Variants in DLG2 observed in about 807,000 individuals in gnomAD.
The protein encoded by DLG2 is discs large MAGUK scaffold protein 2.
Under a neutral mutation model 132.5 loss-of-function variants are expected in DLG2, and 45 were observed. That is an observed-to-expected ratio of 0.34 (90% CI 0.27 to 0.44). DLG2 has a LOEUF of 0.44. Ranked by LOEUF, DLG2 falls within the 20% of genes least tolerant of loss-of-function variation. The pLI, the probability that DLG2 is intolerant of heterozygous loss-of-function variation, is 1.00. For missense variants in DLG2, 1,045 were observed against 1,196.9 expected, an observed-to-expected ratio of 0.87 and a Z score of 1.87; for synonymous variants, 424 against 419.6, an observed-to-expected ratio of 1.01 and a Z score of -0.13.
At chr11:85,115,823 G>A (rs2073489499) in intron 5 of DLG2, among the ~76,000 whole-genome samples, 2 of 151,904 alleles carry the variant, frequency 1.3e-5, no homozygotes, top group South Asian at 4.1e-4. Flanking sequence ...CAGAATCCCA[G>A]GACTGAGGAG....
At chr11:84,434,801 C>T (rs912078914) in intron 7 of DLG2, among the ~76,000 whole-genome samples, 9 of 150,498 alleles carry the variant, frequency 6.0e-5, no homozygotes, top group African/African-American at 2.2e-4. Context: ...TTATTAAGAG[C>T]TTTTCAATTA....
At chr11:83,675,116 C>T (rs539585286) in intron 18 of DLG2, among the ~76,000 whole-genome samples, 6 of 152,182 alleles carry the variant, frequency 3.9e-5, no homozygotes, top group East Asian at 3.9e-4. Flanking sequence ...GAAATTTTAG[C>T]GGAAAACTAT....
intron 3 of DLG2, among the ~76,000 whole-genome samples, chr11:85,446,019 T>C (rs2153036626): frequency 6.6e-6 from 1 of 152,330 alleles, no homozygotes; most frequent in Non-Finnish European, 1.5e-5. Flanking sequence ...AAACCCATTG[T>C]TTACAACTTG....
intron 6 of DLG2, among the ~76,000 whole-genome samples, chr11:85,057,248 A>T (rs998244178): frequency 6.6e-6 from 1 of 151,734 alleles, no homozygotes; most frequent in Non-Finnish European, 1.5e-5. Flanking sequence ...ATATAAATGT[A>T]AAATTGGAAT....
intron 15 of DLG2, among the ~76,000 whole-genome samples, chr11:83,885,800 T>C (rs1293299161): frequency 5.3e-5 from 8 of 152,202 alleles, no homozygotes; most frequent in Non-Finnish European, 8.8e-5. Flanking sequence ...TATTCAACTT[T>C]CTTAAAGAAA....
At chr11:85,505,798 T>C (rs776662579) in intron 3 of DLG2, among the ~76,000 whole-genome samples, 12 of 152,126 alleles carry the variant, frequency 7.9e-5, no homozygotes, top group African/African-American at 1.4e-4. Flanking sequence ...GGAATGGTAC[T>C]AGCTCCTCCT....
At chr11:83,926,664 A>T (rs2079033658) in intron 15 of DLG2, among the ~76,000 whole-genome samples, 1 of 152,150 alleles carries the variant, frequency 6.6e-6, no homozygotes, top group African/African-American at 2.4e-5. Context: ...GTGTAATAAG[A>T]CGTAGACTGT....
chr11:83,461,093 C>A (rs1371831092), intron 27 of DLG2, among the ~76,000 whole-genome samples: 3 of 150,194 alleles, frequency 2.0e-5, no homozygotes, highest in African/African-American at 4.9e-5. Context: ...ACTGCGACCT[C>A]CACCTCCTGG....
chr11:83,853,137 A>T (rs1565351565), intron 16 of DLG2, among the ~76,000 whole-genome samples: 1 of 152,316 alleles, frequency 6.6e-6, no homozygotes, highest in South Asian at 2.1e-4. Flanking sequence ...TTCCAATCAC[A>T]TAAAATCCCC....
intron 18 of DLG2, among the ~76,000 whole-genome samples, chr11:83,651,015 C>T (rs2070136579): frequency 6.6e-6 from 1 of 152,086 alleles, no homozygotes; most frequent in African/African-American, 2.4e-5. Context: ...ATCTTACTTA[C>T]TCTATACCTC....
chr11:84,082,703 A>G (rs1289957244), intron 10 of DLG2, among the ~76,000 whole-genome samples: 1 of 152,186 alleles, frequency 6.6e-6, no homozygotes, highest in African/African-American at 2.4e-5. Context: ...TAGTGAGAAG[A>G]ATATGGATTT....
intron 14 of DLG2, among the ~76,000 whole-genome samples, chr11:83,939,494 A>G (rs1380688661): frequency 2.0e-5 from 3 of 152,224 alleles, no homozygotes; most frequent in East Asian, 1.9e-4. Context: ...AGTGTGAGGA[A>G]CATTACAAAG....
Position 85,478,120 on chromosome 11 carries a change from G to A in DLG2, c.40+120537C>T, listed in dbSNP as rs140390023. ...ACTCCTGGGCTCAAGCAATCCTAAT[G>A]CCTCAGCTTCCCAAGGAACTAAGAC... On this transcript the variant is annotated intron_variant, in intron 3 of 27. Transcript: ENST00000376104. Among the ~76,000 whole-genome samples the A allele has an allele frequency of 4.8e-3, 734 of 151,998 alleles. 2 individuals are homozygous for A. Among genetic ancestry groups the A allele is most frequent in the Non-Finnish European group, 8.3e-3 (564 of 67,984 alleles).
intron 3 of DLG2, among the ~76,000 whole-genome samples, chr11:85,557,142 G>T (rs2076984343): frequency 6.6e-6 from 1 of 151,604 alleles, no homozygotes; most frequent in Non-Finnish European, 1.5e-5. Flanking sequence ...TTTCCATGAT[G>T]AGAACAGTAA....
At chr11:84,969,994 A>G (rs1471842721) in intron 6 of DLG2, among the ~76,000 whole-genome samples, 2 of 152,076 alleles carry the variant, frequency 1.3e-5, no homozygotes, top group Non-Finnish European at 2.9e-5. Flanking sequence ...AGAGAAGGGA[A>G]CATCACATAA....
At chr11:84,880,827 CAAT>C (rs1386145708) in intron 6 of DLG2, among the ~76,000 whole-genome samples, 1 of 152,032 alleles carries the variant, frequency 6.6e-6, no homozygotes, top group Non-Finnish European at 1.5e-5. Context: ...TAAGCTCTTT[CAAT>C]AATTTACTAT....
chr11:84,092,985 G>A (rs1255136506), intron 10 of DLG2, among the ~76,000 whole-genome samples: 2 of 149,678 alleles, frequency 1.3e-5, no homozygotes, highest in African/African-American at 2.5e-5. Flanking sequence ...GCAGTGAGCC[G>A]AGATTGCGCC....
chr11:85,344,242 T>C (rs1042892399), intron 3 of DLG2, among the ~76,000 whole-genome samples: 2 of 152,082 alleles, frequency 1.3e-5, no homozygotes, highest in Non-Finnish European at 2.9e-5. Flanking sequence ...GAAAGGAAGG[T>C]CTTCTTATGG....
intron 4 of DLG2, among the ~76,000 whole-genome samples, chr11:85,280,342 A>G (rs1262074074): frequency 2.0e-5 from 3 of 152,158 alleles, no homozygotes; most frequent in Non-Finnish European, 2.9e-5. Context: ...AGACACTATT[A>G]TTACTTTGAC....
Sources: allele counts gnomAD v4.1 joint callset (sites outside exome capture counted in the v4.1 genomes callset), GRCh38; gene constraint gnomAD v4.1.1; transcripts MANE v1.5; gene names NCBI Gene and HGNC (gene_info 2026-07-23, HGNC 2026-07-21).